The following NR6A1 variants were observed in gnomAD, a reference collection of about 807,000 sequenced individuals.
NR6A1 encodes the protein retinoic acid receptor-related testis-associated receptor.
In NR6A1, 7 loss-of-function variants were observed where a neutral mutation model predicts 59.1. The observed-to-expected ratio is 0.12, with a 90% CI of 0.07 to 0.22. The LOEUF (loss-of-function observed/expected upper bound fraction) is 0.22, where lower values mean the gene tolerates loss of function less well. Among genes scored for constraint, NR6A1 ranks in the 10% least tolerant of loss-of-function variants. NR6A1 has a pLI of 1.00. For missense variants in NR6A1, 468 were observed against 611.6 expected (o/e 0.77, Z 2.48); for synonymous variants, 243 against 236.1 (o/e 1.03, Z -0.27).
chr9:124,747,704 G>A (rs1409042950), intron 1 of NR6A1, among the ~76,000 whole-genome samples: 3 of 151,954 alleles, frequency 2.0e-5, no homozygotes, highest in Non-Finnish European at 4.4e-5. Flanking sequence ...CATCCCCCAA[G>A]CCAGAGATCC....
intron 2 of NR6A1, among the ~76,000 whole-genome samples, chr9:124,650,738 C>A (rs1837075840): frequency 6.6e-6 from 1 of 152,166 alleles, no homozygotes; most frequent in Non-Finnish European, 1.5e-5. Flanking sequence ...GAAGTAACAA[C>A]AACAACAAAT....
intron 2 of NR6A1, among the ~76,000 whole-genome samples, chr9:124,640,825 T>G (rs542116614): frequency 1.3e-5 from 2 of 152,174 alleles, no homozygotes; most frequent in African/African-American, 4.8e-5. Context: ...CACAGAGTAT[T>G]TTAAATAAAA....
At position 124,756,129 on chromosome 9, in the gene NR6A1, C is replaced by T. The variant is rs547710106; in HGVS notation, c.100+14891G>A. ...GATCTTCAATGTACACCCAAGGCTA[C>T]GCTTAATGTTTTAGCAAATAGAATA... On this transcript the variant is annotated intron_variant, in intron 1 of 9. Coordinates refer to ENST00000487099, the MANE Select transcript of NR6A1 (RefSeq NM_033334.4). Among the ~76,000 whole-genome samples, 17 of 152,272 alleles carry T rather than the reference C, an allele frequency of 1.1e-4. No homozygotes were observed. In the East Asian group the frequency reaches 2.9e-3, roughly 26 times the overall value.
At chr9:124,703,329 C>T (rs574240565) in intron 2 of NR6A1, among the ~76,000 whole-genome samples, 3 of 151,378 alleles carry the variant, frequency 2.0e-5, no homozygotes, top group South Asian at 2.1e-4. Context: ...CATCCCACCT[C>T]GACCTCCTAA....
chr9:124,720,605 T>C (rs1361128521), intron 2 of NR6A1, among the ~76,000 whole-genome samples: 5 of 152,176 alleles, frequency 3.3e-5, no homozygotes, highest in Non-Finnish European at 7.3e-5. Flanking sequence ...AGGCTTATCT[T>C]TTCTTTCAGA....
At chr9:124,638,132 T>C (rs1836668983) in intron 2 of NR6A1, among the ~76,000 whole-genome samples, 1 of 151,900 alleles carries the variant, frequency 6.6e-6, no homozygotes, top group South Asian at 2.1e-4. Flanking sequence ...CTTGTGTACC[T>C]GTAGTCCTAG....
chr9:124,688,142 T>G (rs1161059612), intron 2 of NR6A1, among the ~76,000 whole-genome samples: 1 of 151,922 alleles, frequency 6.6e-6, no homozygotes, highest in Non-Finnish European at 1.5e-5. Flanking sequence ...GGGAACATAG[T>G]GAGACCCTGT....
At chr9:124,538,907 A>T (rs1001222516) in intron 5 of NR6A1, among the ~76,000 whole-genome samples, 2 of 152 alleles carry the variant, frequency 0.013, no homozygotes, top group African/African-American at 0.056. Flanking sequence ...CAACTAATTA[A>T]AAAAAAAAAA....
chr9:124,643,631 T>C lies in NR6A1; in HGVS notation c.143-89061A>G, dbSNP rs142058712. 4.4e-3 allele frequency among the ~76,000 whole-genome samples: 650 copies of C among 146,882 alleles called. 5 individuals carry two copies. The highest frequency in any genetic ancestry group is 0.015 in the African/African-American group (606 of 39,634). On this transcript the variant is annotated intron_variant, in intron 2 of 9. Coordinates refer to ENST00000487099, the MANE Select transcript of NR6A1 (RefSeq NM_033334.4). ...AAAAAAAAAAAGCCAGGTGTGGTGG[T>C]ACACATCTGTTAAGTTCTAGCTACT...
intron 1 of NR6A1, among the ~76,000 whole-genome samples, chr9:124,755,659 C>T (rs1840614619): frequency 6.6e-6 from 1 of 152,056 alleles, no homozygotes; most frequent in African/African-American, 2.4e-5. Context: ...TAAACAGCTG[C>T]GAATATATTC....
intron 2 of NR6A1, among the ~76,000 whole-genome samples, chr9:124,731,073 T>A (rs1430282252): frequency 6.6e-6 from 1 of 152,102 alleles, no homozygotes; most frequent in Non-Finnish European, 1.5e-5. Context: ...TCAAAAATGC[T>A]TCTAAGAAAG....
At chr9:124,604,533 G>GCACACACA (rs1422243879) in intron 2 of NR6A1, among the ~76,000 whole-genome samples, 21 of 152,174 alleles carry the variant, frequency 1.4e-4, no homozygotes, top group African/African-American at 5.1e-4. Context: ...ATTAAATAGG[G>GCACACACA]CACAGTGGCT....
intron 7 of NR6A1, among the ~76,000 whole-genome samples, chr9:124,527,495 C>A (rs1015994859): frequency 1.7e-4 from 26 of 152,184 alleles, no homozygotes; most frequent in African/African-American, 5.5e-4. Flanking sequence ...GTTTCCATAC[C>A]ACGCCATCCT....
rs980820034 is a variant in NR6A1, at chr9:124,543,155, T to A, written c.441+647A>T. Among the ~76,000 whole-genome samples, 3 of 152,212 alleles carry A rather than the reference T, an allele frequency of 2.0e-5. 1 individual carries two copies. Among genetic ancestry groups the A allele is most frequent in the Non-Finnish European group, 4.4e-5 (3 of 68,036 alleles). On this transcript the variant is annotated intron_variant, in intron 4 of 9. Coordinates refer to ENST00000487099, the MANE Select transcript of NR6A1 (RefSeq NM_033334.4). ...GCCTAATTGAACAAACTCCTTGTCATAAAGATTCATCGTTGGGTCTCTTCA... is the reference window on the plus strand; with the variant it reads ...GCCTAATTGAACAAACTCCTTGTCAAAAAGATTCATCGTTGGGTCTCTTCA...
chr9:124,642,281 C>T (rs1244595989), intron 2 of NR6A1, among the ~76,000 whole-genome samples: 3 of 152,186 alleles, frequency 2.0e-5, no homozygotes, highest in Non-Finnish European at 4.4e-5. Flanking sequence ...AACTCCTGAC[C>T]TCGGGTGATC....
chr9:124,598,855 C>A (rs559424302), intron 2 of NR6A1: 4 of 731,212 alleles, frequency 5.5e-6, no homozygotes, highest in Non-Finnish European at 1.0e-5. Context: ...ATTCTTCAAA[C>A]TTTGTTTTGA....
intron 7 of NR6A1, among the ~76,000 whole-genome samples, chr9:124,534,812 C>T (rs553831811): frequency 4.7e-4 from 72 of 152,184 alleles, no homozygotes; most frequent in Admixed American, 1.2e-3. Flanking sequence ...CTGGAGGCTG[C>T]GAGAAAGAAA....
intron 1 of NR6A1, among the ~76,000 whole-genome samples, chr9:124,747,333 T>C (rs921129504): frequency 2.0e-5 from 3 of 152,032 alleles, no homozygotes; most frequent in Non-Finnish European, 2.9e-5. Context: ...TAGCTGGGAC[T>C]ACAATCATGT....
At chr9:124,687,658 C>A (rs1303101313) in intron 2 of NR6A1, among the ~76,000 whole-genome samples, 1 of 152,140 alleles carries the variant, frequency 6.6e-6, no homozygotes, top group African/African-American at 2.4e-5. Context: ...ATTCAGCAGG[C>A]TCCTTTATGA....
Sources: allele counts gnomAD v4.1 joint callset (sites outside exome capture counted in the v4.1 genomes callset), GRCh38; gene constraint gnomAD v4.1.1; transcripts MANE v1.5; gene names NCBI Gene and HGNC (gene_info 2026-07-23, HGNC 2026-07-21).